The following ANK2 variants were observed in gnomAD, a reference collection of about 807,000 sequenced individuals.
ANK2 encodes the protein ankyrin-2.
In ANK2, 83 loss-of-function variants were observed where a neutral mutation model predicts 360.5. The ratio of observed to expected loss-of-function variants is 0.23; its 90% CI spans 0.19 to 0.28. The LOEUF (loss-of-function observed/expected upper bound fraction) is 0.28. Ranked by LOEUF, ANK2 falls within the 10% of genes least tolerant of loss-of-function variation. ANK2 has a pLI of 1.00. For synonymous variants in ANK2, 1,740 were observed against 1,759.5 expected, an observed-to-expected ratio of 0.99 and a Z score of 0.28; for missense variants, 4,201 against 4,795.7, an observed-to-expected ratio of 0.88 and a Z score of 3.66.
chr4:113,318,770 C>A, intron 26 of ANK2, 150 bp downstream of exon 26: 1 of 689,180 alleles, frequency 1.5e-6, no homozygotes, highest in South Asian at 1.6e-5. Context: ...CTTTATCCAA[C>A]ATGGACTCTA....
At chr4:113,284,597 A>AT (rs1371109851) in intron 18 of ANK2, among the ~76,000 whole-genome samples, 1 of 152,168 alleles carries the variant, frequency 6.6e-6, no homozygotes, top group Non-Finnish European at 1.5e-5. Flanking sequence ...TTTAAGGAGT[A>AT]TTTTTTAGTT....
the ANK2 span, among the ~76,000 whole-genome samples, chr4:112,786,075 C>T: frequency 6.6e-6 from 1 of 152,036 alleles, no homozygotes; most frequent in African/African-American, 2.4e-5. Flanking sequence ...CTCCTAGCCT[C>T]AAGTGATCCG....
At chr4:113,290,816 G>A (rs777403613) in intron 20 of ANK2, among the ~76,000 whole-genome samples, 2 of 152,214 alleles carry the variant, frequency 1.3e-5, no homozygotes, top group Non-Finnish European at 2.9e-5. Context: ...TTAAGGGTTT[G>A]CAAATGATTG....
At chr4:113,286,863 A>G (rs972928572) in intron 18 of ANK2, among the ~76,000 whole-genome samples, 4 of 152,192 alleles carry the variant, frequency 2.6e-5, no homozygotes, top group African/African-American at 9.7e-5. Context: ...AAACATACTC[A>G]AGAAAACACC....
At chr4:113,213,455 A>C (rs1309041468) in intron 4 of ANK2, among the ~76,000 whole-genome samples, 2 of 152,186 alleles carry the variant, frequency 1.3e-5, no homozygotes, top group Non-Finnish European at 2.9e-5. Flanking sequence ...ATTTGGGCAA[A>C]TACTATGTGG....
chr4:112,889,246 AC>A (rs1304939087), intron 1 of ANK2, among the ~76,000 whole-genome samples: 44 of 151,784 alleles, frequency 2.9e-4, no homozygotes, highest in African/African-American at 1.0e-3. Flanking sequence ...AAAAAAAAAA[AC>A]AAAACCTTAA....
intron 2 of ANK2, among the ~76,000 whole-genome samples, chr4:112,946,463 C>G (rs2094551384): frequency 1.3e-5 from 2 of 152,244 alleles, no homozygotes; most frequent in South Asian, 4.1e-4. Flanking sequence ...GCGCAGACAG[C>G]TAACGGATCT....
chr4:113,145,376 A>G (rs753317965), intron 1 of ANK2, among the ~76,000 whole-genome samples: 1 of 152,220 alleles, frequency 6.6e-6, no homozygotes, highest in Non-Finnish European at 1.5e-5. Flanking sequence ...TCATTAAAAT[A>G]TTTAGTATTG....
At chr4:113,302,663 C>T (rs2075552405) in intron 22 of ANK2, 104 bp from the exon 23 acceptor site, 4 of 877,914 alleles carry the variant, frequency 4.6e-6, no homozygotes, top group East Asian at 2.5e-5. Context: ...AGTCATGGCT[C>T]GATGGCTTGC....
chr4:112,886,160 G>A lies in ANK2; in HGVS notation c.-39-18295G>A, dbSNP rs544617042. Among the ~76,000 whole-genome samples the A allele has an allele frequency of 3.9e-5, 6 of 152,284 alleles. No individual in the cohort carries two copies. The East Asian group carries it at 1.2e-3, about 29-fold the overall frequency. Reference sequence around the variant, plus strand: ...TCATTTGCCAAAAGCTGATCTGCACGTGTATAGGTCAAGACTCCATGAGGC... The same window carrying A: ...TCATTTGCCAAAAGCTGATCTGCACATGTATAGGTCAAGACTCCATGAGGC... On this transcript the variant is annotated intron_variant, in intron 1 of 30. Coordinates refer to the ANK2 transcript ENST00000503271.
In ANK2 at chr4:113,360,893, G is replaced by T; in HGVS notation, c.10752G>T (p.Trp3584Cys). ...TTGCTGATCACCTTGGCTTCAGCTG[G>T]ACAGGTAAAAAGAATGTGACCCAGG... ...AYIADHLGFS[W>C]TELARELDFT... Residue 3584 changes from tryptophan to cysteine, a missense_variant, in exon 39 of 46, where the codon TGG becomes TGT. Trp to Cys is a radical substitution (Grantham distance 215). Coordinates refer to ENST00000357077, the MANE Select transcript of ANK2 (RefSeq NM_001148.6). The T allele has an allele frequency of 6.2e-7, 1 of 1,612,096 alleles. No individual in the cohort carries two copies. The highest frequency in any genetic ancestry group is 1.1e-5 in the South Asian group (1 of 90,820).
intron 1 of ANK2, among the ~76,000 whole-genome samples, chr4:113,088,706 T>G (rs190526963): frequency 5.3e-5 from 8 of 152,308 alleles, no homozygotes; most frequent in African/African-American, 1.4e-4. Flanking sequence ...CATTTATCTG[T>G]AGATGGGCCT....
intron 2 of ANK2, among the ~76,000 whole-genome samples, chr4:112,931,197 T>C (rs2093184701): frequency 6.6e-6 from 1 of 151,984 alleles, no homozygotes; most frequent in Non-Finnish European, 1.5e-5. Context: ...GTGCAGATGA[T>C]CAGAGGGAAT....
chr4:112,866,878 C>T (rs1259993499), intron 1 of ANK2, among the ~76,000 whole-genome samples: 25 of 151,874 alleles, frequency 1.6e-4, no homozygotes, highest in Non-Finnish European at 2.4e-4. Context: ...ACTCTGTGTC[C>T]GACTAGTTAT....
chr4:113,092,710 C>A (rs2089057547), intron 1 of ANK2, among the ~76,000 whole-genome samples: 1 of 152,044 alleles, frequency 6.6e-6, no homozygotes, highest in Non-Finnish European at 1.5e-5. Flanking sequence ...ATTAATAATA[C>A]CTACCTCCTA....
chr4:112,776,432 A>C, the ANK2 span, among the ~76,000 whole-genome samples: 1 of 152,286 alleles, frequency 6.6e-6, no homozygotes, highest in African/African-American at 2.4e-5. Flanking sequence ...TGAGCTTGAC[A>C]AGGTTTGTAC....
rs147445201 is a variant in ANK2, at chr4:113,174,325, C to A, written c.85-91C>A. On this transcript the variant is annotated intron_variant, in intron 1 of 45. Coordinates refer to ENST00000357077, the MANE Select transcript of ANK2 (RefSeq NM_001148.6). ...TGAAATTTTTCCAACTAAAGCTTTT[C>A]TGACTTCAGTGTAAACATTCTTGTC... is the stretch of plus-strand genomic sequence containing the variant. 4.0e-4 allele frequency: 438 copies of A among 1,092,156 alleles called. 1 individual carries two copies. The African/African-American group carries it at 5.1e-3, about 13-fold the overall frequency. The allele number at this position is 1,092,156 out of a possible 1,614,324, so 67.7% of individuals were successfully genotyped here.
chr4:112,890,887 G>T (rs1314018297), intron 1 of ANK2, among the ~76,000 whole-genome samples: 1 of 152,024 alleles, frequency 6.6e-6, no homozygotes, highest in Non-Finnish European at 1.5e-5. Flanking sequence ...ATTTCTATTG[G>T]CTCTGCAATG....
intron 26 of ANK2, among the ~76,000 whole-genome samples, chr4:113,324,189 TAGC>T (rs201063226): frequency 0.013 from 1,989 of 152,302 alleles, 43 homozygotes; most frequent in African/African-American, 0.045. Context: ...AAGTGGCACT[TAGC>T]AGAGAGTTTT....
Sources: gnomAD v4.1 joint callset for allele counts (sites outside exome capture counted in the v4.1 genomes callset) on GRCh38, gnomAD v4.1.1 for gene constraint, MANE v1.5 for transcripts, NCBI Gene and HGNC (gene_info 2026-07-23, HGNC 2026-07-21) for gene names.